MACROD2: variants seen among roughly 807,000 people sequenced by gnomAD.
The protein encoded by MACROD2 is ADP-ribose glycohydrolase MACROD2.
A neutral mutation model predicts 70.4 loss-of-function variants in MACROD2; 36 were observed. The ratio of observed to expected loss-of-function variants is 0.51; its 90% CI spans 0.39 to 0.68. The LOEUF is 0.68. Among genes scored for constraint, MACROD2 ranks in the 30% least tolerant of loss-of-function variants. The pLI is 0.00. For missense variants in MACROD2, 496 were observed against 538.4 expected (o/e 0.92, Z 0.78); for synonymous variants, 172 against 178.8 (o/e 0.96, Z 0.30).
At chr20:15,626,587 G>C (rs1237418300) in intron 8 of MACROD2, among the ~76,000 whole-genome samples, 2 of 152,328 alleles carry the variant, frequency 1.3e-5, no homozygotes, top group East Asian at 3.9e-4. Flanking sequence ...GGGCACGCTG[G>C]CTCATGCCTG....
At chr20:14,904,461 A>G (rs970841373) in intron 5 of MACROD2, among the ~76,000 whole-genome samples, 12 of 152,110 alleles carry the variant, frequency 7.9e-5, no homozygotes, top group African/African-American at 2.9e-4. Flanking sequence ...TTAAAAATAT[A>G]TAGGTGGGTA....
intron 5 of MACROD2, among the ~76,000 whole-genome samples, chr20:14,907,855 T>G (rs2073978062): frequency 6.6e-6 from 1 of 152,162 alleles, no homozygotes; most frequent in African/African-American, 2.4e-5. Flanking sequence ...TGCCTTGTAT[T>G]CATTATTTTG....
chr20:14,912,365 TCAAATGATTCTGACCATA>T (rs1213904460), intron 5 of MACROD2, among the ~76,000 whole-genome samples: 1 of 152,218 alleles, frequency 6.6e-6, no homozygotes. Context: ...ATCTAAATAT[TCAAATGATTCTGACCATA>T]CAAATGATTC....
intron 5 of MACROD2, among the ~76,000 whole-genome samples, chr20:14,958,886 C>T (rs1255623944): frequency 6.6e-6 from 1 of 152,044 alleles, no homozygotes; most frequent in African/African-American, 2.4e-5. Flanking sequence ...TAACACACTC[C>T]CAGGTTGTTG....
intron 4 of MACROD2, among the ~76,000 whole-genome samples, chr20:14,677,489 G>T (rs985613980): frequency 1.3e-5 from 2 of 152,312 alleles, no homozygotes; most frequent in East Asian, 1.9e-4. Context: ...GAGAAAATAT[G>T]TCAGGGAGTC....
At chr20:14,284,144 T>C (rs1395420450) in intron 3 of MACROD2, among the ~76,000 whole-genome samples, 2 of 152,116 alleles carry the variant, frequency 1.3e-5, no homozygotes, top group Non-Finnish European at 2.9e-5. Flanking sequence ...TGTCTGTAGA[T>C]TGTTAGTAGA....
At chr20:15,522,509 A>G (rs1409004417) in intron 8 of MACROD2, among the ~76,000 whole-genome samples, 2 of 152,204 alleles carry the variant, frequency 1.3e-5, no homozygotes, top group South Asian at 2.1e-4. Flanking sequence ...AACAATAGAT[A>G]TTATGGTCGT....
At chr20:14,116,595 T>C (rs1441298814) in intron 3 of MACROD2, among the ~76,000 whole-genome samples, 2 of 152,196 alleles carry the variant, frequency 1.3e-5, no homozygotes, top group Admixed American at 1.3e-4. Context: ...ATTATAAACA[T>C]AATAATGTAA....
intron 8 of MACROD2, among the ~76,000 whole-genome samples, chr20:15,545,126 C>T (rs2048009824): frequency 2.0e-5 from 3 of 152,198 alleles, no homozygotes; most frequent in African/African-American, 7.2e-5. Context: ...ACAATTCAAT[C>T]AAAGGATGAT....
At chr20:15,862,471 T>A (rs2064437025) in intron 8 of MACROD2, among the ~76,000 whole-genome samples, 2 of 152,302 alleles carry the variant, frequency 1.3e-5, no homozygotes, top group East Asian at 3.9e-4. Context: ...GCAAAGTGGC[T>A]TATTGTCATT....
chr20:15,838,330 G>C (rs978768), intron 8 of MACROD2, among the ~76,000 whole-genome samples: 123,582 of 152,116 alleles, frequency 0.81, 50,618 homozygotes, highest in African/African-American at 0.92. Flanking sequence ...TATCCTAATA[G>C]TGATATTCTC....
chr20:15,020,528 C>G (rs976891281), intron 5 of MACROD2, among the ~76,000 whole-genome samples: 1 of 152,018 alleles, frequency 6.6e-6, no homozygotes, highest in Non-Finnish European at 1.5e-5. Flanking sequence ...TGTCTGATAC[C>G]AACTGCAGTC....
chr20:15,295,138 C>T (rs550080311), intron 6 of MACROD2, among the ~76,000 whole-genome samples: 1 of 152,248 alleles, frequency 6.6e-6, no homozygotes, highest in African/African-American at 2.4e-5. Flanking sequence ...TCAGAAAGGG[C>T]AGTTCCCCTG....
intron 6 of MACROD2, among the ~76,000 whole-genome samples, chr20:15,233,967 T>A (rs7363655): frequency 0.091 from 4,356 of 48,064 alleles, 316 homozygotes; most frequent in African/African-American, 0.13. Flanking sequence ...AAAAATTTAT[T>A]TTTATATATA....
At chr20:15,036,717 C>A (rs2075316016) in intron 5 of MACROD2, among the ~76,000 whole-genome samples, 1 of 152,006 alleles carries the variant, frequency 6.6e-6, no homozygotes. Flanking sequence ...TCTTTCTATA[C>A]CCAAAGTTGT....
At chr20:15,628,357 A>G (rs2049237643) in intron 8 of MACROD2, among the ~76,000 whole-genome samples, 1 of 152,212 alleles carries the variant, frequency 6.6e-6, no homozygotes, top group African/African-American at 2.4e-5. Flanking sequence ...CTGAGGCCAT[A>G]TTGCTAGCAA....
intron 3 of MACROD2, among the ~76,000 whole-genome samples, chr20:14,171,891 T>C (rs2081223638): frequency 6.6e-6 from 1 of 152,198 alleles, no homozygotes; most frequent in African/African-American, 2.4e-5. Flanking sequence ...GTTTCTTTGT[T>C]GACTTTCTGT....
At chr20:15,679,690 G>A (rs915184744) in intron 8 of MACROD2, among the ~76,000 whole-genome samples, 7 of 152,164 alleles carry the variant, frequency 4.6e-5, no homozygotes, top group African/African-American at 1.7e-4. Flanking sequence ...GAGGGACCAT[G>A]CAAAGAAGCA....
intron 8 of MACROD2, among the ~76,000 whole-genome samples, chr20:15,709,516 A>C (rs181233366): frequency 1.3e-3 from 194 of 151,986 alleles, no homozygotes; most frequent in African/African-American, 4.2e-3. Flanking sequence ...AAAATAAATA[A>C]ATTAGCTGGG....
Sources: gnomAD v4.1 joint callset for allele counts (sites outside exome capture counted in the v4.1 genomes callset) on GRCh38, gnomAD v4.1.1 for gene constraint, MANE v1.5 for transcripts, NCBI Gene and HGNC (gene_info 2026-07-23, HGNC 2026-07-21) for gene names.